The following TLCD3B variants were observed in gnomAD, a reference collection of about 807,000 sequenced individuals.
TLCD3B encodes ceramide synthase.
TLCD3B carries 9 observed loss-of-function variants against 23.0 expected under a neutral mutation model. The observed-to-expected ratio is 0.39, with a 90% CI of 0.24 to 0.68. TLCD3B has a LOEUF of 0.68. Ranked by LOEUF, TLCD3B falls within the 30% of genes least tolerant of loss-of-function variation. The pLI is 0.44. For missense variants in TLCD3B, 307 were observed against 371.8 expected, an observed-to-expected ratio of 0.83 and a Z score of 1.43; for synonymous variants, 161 against 161.0, an observed-to-expected ratio of 1.00 and a Z score of 0.00.
At position 30,025,267 on chromosome 16, in the gene TLCD3B, G is replaced by C. The variant is rs1293194948; in HGVS notation, c.741C>G (p.Tyr247Ter). 1 of 1,542,112 alleles carries C rather than the reference G, an allele frequency of 6.5e-7. No individual in the cohort carries two copies. The highest frequency in any genetic ancestry group is 2.1e-5 in the Admixed American group (1 of 47,510). The change falls in exon 5 of 5, where the codon TAC (tyrosine) becomes TAG (stop). Residue 247 changes from tyrosine to a stop codon, truncating the protein, a stop_gained. Transcript: ENST00000380495. LOFTEE classifies it high-confidence loss of function. This position sits in a 1 kb window ranked among gnomAD's most constrained non-coding sequence, Gnocchi z 4.1. The part of the protein sequence containing the change: ...GAALLLAPQL[Y>*]WFFLICRGAC... ...CCCCACGGCAGATGAGGAAGAACCA[G>C]TAGAGCTGAGGGGCCAGGAGCAGCG...
intron 3 of TLCD3B, among the ~76,000 whole-genome samples, chr16:30,039,297 A>G (rs554860136): frequency 6.6e-6 from 1 of 151,556 alleles, no homozygotes; most frequent in African/African-American, 2.4e-5. Context: ...CTAATTTTGT[A>G]TTTTTAGTAG....
In TLCD3B at chr16:30,024,914, A is replaced by C; in HGVS notation, c.*269T>G. The C allele has an allele frequency of 2.5e-6, 1 of 405,318 alleles. No individual in the cohort carries two copies. The highest frequency in any genetic ancestry group is 4.3e-6 in the Non-Finnish European group (1 of 229,892). The allele number at this position is 405,318 out of a possible 1,614,324, so 25.1% of individuals were successfully genotyped here. A position where few individuals can be genotyped will look rare whatever the true frequency, so the allele number is the denominator to read the frequency against. ...AACCCTGTTGGTGTCCCTCCCCACA[A>C]GCCCTCCTGCCCTCAGTGGGTGGGA... is the stretch of plus-strand genomic sequence containing the variant. On this transcript the variant is annotated 3_prime_UTR_variant, in exon 5 of 5. Transcript: ENST00000380495.
intron 1 of TLCD3B, among the ~76,000 whole-genome samples, chr16:30,051,548 A>G (rs890188748): frequency 6.6e-6 from 1 of 151,366 alleles, no homozygotes; most frequent in East Asian, 1.9e-4. Flanking sequence ...AAGAAAAGAA[A>G]AGAAAAAAGA....
chr16:30,030,502 CCCCCGGCCACCAT>C lies in TLCD3B; in HGVS notation c.13_25del (p.Met5GlyfsTer113). 2 of 1,592,716 alleles carry C rather than the reference CCCCCGGCCACCAT, an allele frequency of 1.3e-6. No homozygotes were observed. The highest frequency in any genetic ancestry group is 1.7e-6 in the Non-Finnish European group (2 of 1,172,296). On this transcript the variant is annotated frameshift_variant, in exon 1 of 5. Transcript: ENST00000380495. LOFTEE classifies it high-confidence loss of function. The stretch of plus-strand genomic sequence containing the variant: ...GAGGAAGAGTCCGGGGAACACCACC[CCCCCGGCCACCAT>C]CGGGGTCAGCATGGTGGCTCAGGAC...
chr16:30,025,216 GGA>G lies in TLCD3B; in HGVS notation c.790_791del (p.Ser264ProfsTer33). The G allele has an allele frequency of 6.7e-7, 1 of 1,501,896 alleles. No individual in the cohort carries two copies. Among genetic ancestry groups the G allele is most frequent in the East Asian group, 2.5e-5 (1 of 40,338 alleles). The allele number at this position is 1,501,896 out of a possible 1,614,324, so 93.0% of individuals were successfully genotyped here. A position where few individuals can be genotyped will look rare whatever the true frequency, so the allele number is the denominator to read the frequency against. On this transcript the variant is annotated frameshift_variant, in exon 5 of 5. Transcript: ENST00000380495. LOFTEE classifies it high-confidence loss of function. This position sits in a 1 kb window ranked among gnomAD's most constrained non-coding sequence, Gnocchi z 4.1. ...GGGCCTGGCAGGCCGGGGGCGGCCG[GGA>G]GCGGGGCCAGAAGAGGCGGCAGGCC... ...RGACRLFWPR[S>X]RPPPACQAQD is the part of the protein sequence containing the mutation.
At chr16:30,036,336 A>C in intron 3 of TLCD3B, 2 of 1,288,824 alleles carry the variant, frequency 1.6e-6, no homozygotes, top group Non-Finnish European at 2.0e-6. Context: ...AAAAGAAATA[A>C]CAGGTGCAAG....
At chr16:30,045,924 C>G (rs534576721) in intron 2 of TLCD3B, among the ~76,000 whole-genome samples, 1 of 152,086 alleles carries the variant, frequency 6.6e-6, no homozygotes, top group African/African-American at 2.4e-5. Context: ...GGCTGGGCAA[C>G]ACAGTGAGAC....
chr16:30,040,157 T>A (rs1480869363), intron 3 of TLCD3B, among the ~76,000 whole-genome samples: 27 of 136,980 alleles, frequency 2.0e-4, no homozygotes, highest in Admixed American at 8.0e-4. Context: ...AATATATATA[T>A]ATATATATAT....
In TLCD3B at chr16:30,029,335, CACAG is replaced by C; in HGVS notation, c.209+93_209+96del. The C allele has an allele frequency of 4.5e-6, 5 of 1,109,870 alleles. No individual in the cohort carries two copies. Among genetic ancestry groups the C allele is most frequent in the Non-Finnish European group, 5.4e-6 (4 of 743,878 alleles). The allele number at this position is 1,109,870 out of a possible 1,614,324, so 68.8% of individuals were successfully genotyped here. A position where few individuals can be genotyped will look rare whatever the true frequency, so the allele number is the denominator to read the frequency against. ...AGGCCCAAGTTAAGGGCTTGGGGAC[CACAG>C]ACAGAGTTCCCTCCAAGATGTGGGG... On this transcript the variant is annotated intron_variant, in intron 2 of 4. Coordinates refer to ENST00000380495, the MANE Select transcript of TLCD3B (RefSeq NM_031478.6). This position sits in a 1 kb window ranked among gnomAD's most constrained non-coding sequence, Gnocchi z 4.6.
intron 1 of TLCD3B, among the ~76,000 whole-genome samples, chr16:30,049,034 G>A (rs1266603297): frequency 1.3e-5 from 2 of 152,182 alleles, no homozygotes; most frequent in East Asian, 1.9e-4. Flanking sequence ...GCCTCCCAAA[G>A]TGCTGGGATT....
intron 1 of TLCD3B, among the ~76,000 whole-genome samples, chr16:30,047,882 C>T (rs1359219138): frequency 6.6e-6 from 1 of 151,746 alleles, no homozygotes; most frequent in Non-Finnish European, 1.5e-5. Context: ...TGGCTCACGC[C>T]TGTAATCCCA....
chr16:30,030,335 C>T, intron 1 of TLCD3B, 68 bp downstream of exon 1: 1 of 1,444,846 alleles, frequency 6.9e-7, no homozygotes, highest in Non-Finnish European at 9.4e-7. Context: ...AGAGAAGTGC[C>T]AGGTCCCTTC....
At position 30,026,839 on chromosome 16, in the gene TLCD3B, AGT is replaced by A; in HGVS notation, c.212_213del (p.His71LeufsTer83). ...TSCKHIIDDQ[H>X]WLSSAYTQFA... is the part of the protein sequence containing the mutation. The stretch of plus-strand genomic sequence containing the variant: ...AATTGCGTGTAGGCAGAGGACAGCC[AGT>A]GTCTGTTGGGCAGAGAGACGGGGTG... On this transcript the variant is annotated frameshift_variant and splice_region_variant, in exon 3 of 5. Transcript: ENST00000380495. LOFTEE classifies it high-confidence loss of function. The A allele has an allele frequency of 6.2e-7, 1 of 1,613,802 alleles. No individual in the cohort carries two copies. The highest frequency in any genetic ancestry group is 8.5e-7 in the Non-Finnish European group (1 of 1,179,900).
intron 2 of TLCD3B, among the ~76,000 whole-genome samples, chr16:30,041,493 G>T (rs553991081): frequency 1.8e-4 from 28 of 152,180 alleles, no homozygotes; most frequent in Non-Finnish European, 3.7e-4. Flanking sequence ...CTGAACTCCT[G>T]ACCTCAAGTG....
chr16:30,049,830 T>G (rs1328295137), intron 1 of TLCD3B, among the ~76,000 whole-genome samples: 1 of 150,920 alleles, frequency 6.6e-6, no homozygotes. Context: ...GAGGCTGAGA[T>G]AGGAGAATCA....
chr16:30,034,307 C>T (rs1177251151), upstream of TLCD3B, among the ~76,000 whole-genome samples: 1 of 150,476 alleles, frequency 6.6e-6, no homozygotes, highest in Non-Finnish European at 1.5e-5. Context: ...GGTACAGTGG[C>T]TCATGCCTGT....
In TLCD3B at chr16:30,025,333, G is replaced by A. The variant is rs2071069018; in HGVS notation, c.675C>T (p.Ala225=). 6 of 1,579,334 alleles carry A rather than the reference G, an allele frequency of 3.8e-6. No homozygotes were observed. Among genetic ancestry groups the A allele is most frequent in the South Asian group, 1.1e-5 (1 of 87,632 alleles). The change falls in exon 5 of 5, where the codon GCC becomes GCT. Residue 225 remains alanine, a synonymous_variant. Transcript: ENST00000380495. This position sits in a 1 kb window ranked among gnomAD's most constrained non-coding sequence, Gnocchi z 4.1. ...YGRHAGLPLL[A]VPLAIPAHVN... is the part of the protein sequence containing the mutation. The stretch of plus-strand genomic sequence containing the variant: ...CGTGGGCAGGGATGGCCAGGGGCAC[G>A]GCCAGCAGGGGCAGGCCGGCATGGC...
chr16:30,026,694 G>T lies in TLCD3B; in HGVS notation c.359C>A (p.Ala120Asp), dbSNP rs570460807. Reference sequence around the variant, plus strand: ...CTTGTGCAGGTAGCCACGCGCTATGGCCCACGTGCTGCCCGGGGCTCTGGC... The same window carrying T: ...CTTGTGCAGGTAGCCACGCGCTATGTCCCACGTGCTGCCCGGGGCTCTGGC... ...GAARAPGSTW[A>D]IARGYLHKEF... The change falls in exon 3 of 5, where the codon GCC (alanine) becomes GAC (aspartate). Residue 120 changes from alanine (A) to aspartate (D), a missense_variant. By Grantham distance (126) the Ala-to-Asp change is moderately radical. Transcript: ENST00000380495. 6.2e-7 allele frequency: 1 copy of T among 1,613,958 alleles called. No homozygotes were observed. Among genetic ancestry groups the T allele is most frequent in the African/African-American group, 1.3e-5 (1 of 75,054 alleles).
intron 1 of TLCD3B, chr16:30,046,709 C>A (rs1022578021): frequency 2.6e-5 from 4 of 152,188 alleles, no homozygotes; most frequent in Non-Finnish European, 4.4e-5. Flanking sequence ...GGCTGTGTGA[C>A]CTTGGCCAAA....
Sources: gnomAD v4.1 joint callset for allele counts (sites outside exome capture counted in the v4.1 genomes callset) on GRCh38, gnomAD v4.1.1 for gene constraint, Gnocchi (gnomAD v3.1) non-coding constraint, MANE v1.5 for transcripts, NCBI Gene and HGNC (gene_info 2026-07-23, HGNC 2026-07-21) for gene names.